SEMA4C: variants seen among roughly 807,000 people sequenced by gnomAD.
SEMA4C encodes the protein semaphorin-4C.
SEMA4C carries 19 observed loss-of-function variants against 89.0 expected under a neutral mutation model. The observed-to-expected ratio is 0.21, with a 90% confidence interval of 0.15 to 0.31. The LOEUF (loss-of-function observed/expected upper bound fraction) is 0.31. Ranked by LOEUF, SEMA4C falls within the 10% of genes least tolerant of loss-of-function variation. The probability of loss-of-function intolerance (pLI) is 1.00; values close to 1 mark genes in which losing one functional copy is unlikely to be tolerated. For synonymous variants in SEMA4C, 428 were observed against 472.7 expected, an observed-to-expected ratio of 0.91 and a Z score of 1.23; for missense variants, 811 against 1,107.0, an observed-to-expected ratio of 0.73 and a Z score of 3.79.
intron 2 of SEMA4C, chr2:96,866,633 G>A (rs2080079006): frequency 1.4e-6 from 1 of 723,190 alleles, no homozygotes; most frequent in East Asian, 2.7e-5. Flanking sequence ...CCTGGGAGGA[G>A]GCAAATCCAG....
Position 96,866,938 on chromosome 2 carries a change from C to G in SEMA4C, c.110-507G>C, listed in dbSNP as rs570070006. ...CCAGAGATGCGAGCACAGCAGGCCACTAGGACAGGTGGGGATGGCAGGAGG... is the reference window on the plus strand; with the variant it reads ...CCAGAGATGCGAGCACAGCAGGCCAGTAGGACAGGTGGGGATGGCAGGAGG... On this transcript the variant is annotated intron_variant, in intron 2 of 14. Coordinates refer to ENST00000305476, the MANE Select transcript of SEMA4C (RefSeq NM_017789.5). The G allele has an allele frequency of 3.1e-4, 93 of 296,764 alleles. 1 individual carries two copies. Among genetic ancestry groups the G allele is most frequent in the African/African-American group, 1.9e-3 (88 of 45,900 alleles). 18.4% of individuals were successfully genotyped at this position (296,764 alleles called of 1,614,324 possible).
In SEMA4C at chr2:96,861,313, G is replaced by A. The variant is rs764049357; in HGVS notation, c.1815C>T (p.Tyr605=). The change falls in exon 15 of 15, where the codon TAC becomes TAT. Residue 605 remains tyrosine (Y), a synonymous_variant. Coordinates refer to ENST00000305476, the MANE Select transcript of SEMA4C (RefSeq NM_017789.5). The surrounding 1 kb of genome is among the most constrained non-coding windows in gnomAD (Gnocchi z 7.8). The part of the protein sequence containing the change: ...LPAEQPGSFL[Y]DARLQALVVM... ...CAACCAGGGCCTGGAGCCGGGCATC[G>A]TAGAGGAAGGACCCGGGCTGTTCCG... The A allele has an allele frequency of 2.5e-5, 40 of 1,607,326 alleles. 1 individual carries two copies. The highest frequency in any genetic ancestry group is 1.8e-4 in the South Asian group (16 of 91,074).
intron 11 of SEMA4C, 53 bp downstream of exon 11, chr2:96,863,873 C>A: frequency 6.3e-7 from 1 of 1,597,208 alleles, no homozygotes; most frequent in South Asian, 1.1e-5. Flanking sequence ...GCCCTGGGCA[C>A]ACGGGCTTCT....
chr2:96,862,362 A>G (rs114089901), intron 12 of SEMA4C: 2,725 of 159,636 alleles, frequency 0.017, 33 homozygotes, highest in Non-Finnish European at 0.027. Context: ...ATTTTGAGTC[A>G]TAATAGCTGG....
chr2:96,868,892 G>A (rs1287179938), intron 1 of SEMA4C: 3 of 985,302 alleles, frequency 3.0e-6, no homozygotes, highest in Non-Finnish European at 3.6e-6. Context: ...GGGCGGGCCA[G>A]CGGGATTGGC....
chr2:96,870,790 G>A (rs1017283430), upstream of SEMA4C: 7 of 980,866 alleles, frequency 7.1e-6, no homozygotes, highest in Non-Finnish European at 8.5e-6. Context: ...GGGGAGCCAC[G>A]CTGCAGAACC....
chr2:96,868,562 C>T (rs1025824364), intron 1 of SEMA4C: 26 of 985,732 alleles, frequency 2.6e-5, no homozygotes, highest in Non-Finnish European at 3.0e-5. Context: ...GCCCAGCTTC[C>T]CGAGGCCCCT....
chr2:96,868,742 G>A, intron 1 of SEMA4C: 1 of 984,784 alleles, frequency 1.0e-6, no homozygotes, highest in Non-Finnish European at 1.2e-6. Context: ...CGCAGGCGAC[G>A]GGGGGAGGTA....
At chr2:96,868,298 G>C in intron 1 of SEMA4C, 1 of 511,962 alleles carries the variant, frequency 2.0e-6, no homozygotes, top group Non-Finnish European at 2.8e-6. Context: ...TCAGGCAGCA[G>C]GCCTTGCAGC....
In SEMA4C at chr2:96,860,612, G is replaced by A. The variant is rs371654812; in HGVS notation, c.*14C>T. 7.6e-6 allele frequency: 12 copies of A among 1,579,088 alleles called. No homozygotes were observed. The East Asian group carries it at 9.0e-5, about 12-fold the overall frequency. Reference sequence around the variant, plus strand: ...CACCTCCCACGCTTCCCGCCGACGCGGTGGGGGTTCCCCTCATACTGATGA... The same window carrying A: ...CACCTCCCACGCTTCCCGCCGACGCAGTGGGGGTTCCCCTCATACTGATGA... On this transcript the variant is annotated 3_prime_UTR_variant, in exon 15 of 15. Coordinates refer to ENST00000305476, the MANE Select transcript of SEMA4C (RefSeq NM_017789.5).
intron 2 of SEMA4C, among the ~76,000 whole-genome samples, chr2:96,867,154 C>T (rs1232248433): frequency 6.6e-6 from 1 of 152,216 alleles, no homozygotes; most frequent in Non-Finnish European, 1.5e-5. Context: ...CCCCCCAAAC[C>T]AGCCTTAGTC....
rs913843569 is a variant in SEMA4C, at chr2:96,867,665, C to T, written c.109+113G>A. Reference sequence around the variant, plus strand: ...CAACCCACACTGCCCGTTCTTCCAACTCGAGTTTCTTAGAAAGCTGTGCCA... The same window carrying T: ...CAACCCACACTGCCCGTTCTTCCAATTCGAGTTTCTTAGAAAGCTGTGCCA... On this transcript the variant is annotated intron_variant, in intron 2 of 14. Transcript: ENST00000305476. The T allele has an allele frequency of 4.7e-5, 53 of 1,135,954 alleles. 1 individual carries two copies. Among genetic ancestry groups the T allele is most frequent in the East Asian group, 4.3e-4 (18 of 41,406 alleles). 70.4% of individuals were successfully genotyped at this position (1,135,954 alleles called of 1,614,324 possible). A position where few individuals can be genotyped will look rare whatever the true frequency, so the allele number is the denominator to read the frequency against.
Position 96,861,778 on chromosome 2 carries a change from G to A in SEMA4C, c.1560C>T (p.Ser520=), listed in dbSNP as rs777991898. The A allele has an allele frequency of 1.2e-5, 19 of 1,613,308 alleles. No individual in the cohort carries two copies. Among genetic ancestry groups the A allele is most frequent in the African/African-American group, 2.7e-5 (2 of 74,938 alleles). The part of the protein sequence containing the change: ...VLARDPYCAW[S]VNTSRCVAVG... ...CGGCCACACAGCGGCTGGTGTTGAC[G>A]CTCCAGGCGCAATAGGGGTCCCGGG... The change falls in exon 13 of 15, where the codon AGC becomes AGT. Residue 520 remains serine, a synonymous_variant. Coordinates refer to ENST00000305476, the MANE Select transcript of SEMA4C (RefSeq NM_017789.5). The surrounding 1 kb of genome is among the most constrained non-coding windows in gnomAD (Gnocchi z 7.8).
intron 1 of SEMA4C, chr2:96,868,484 C>G: frequency 1.0e-6 from 1 of 990,430 alleles, no homozygotes; most frequent in Non-Finnish European, 1.2e-6. Context: ...AGACAATAGC[C>G]CTGCAGAACC....
chr2:96,866,496 T>G (rs1349294050), intron 2 of SEMA4C, 65 bp from the exon 3 acceptor site: 1 of 1,607,182 alleles, frequency 6.2e-7, no homozygotes, highest in East Asian at 2.2e-5. Flanking sequence ...TCAGTCTTGC[T>G]CCACGAGAGC....
intron 1 of SEMA4C, chr2:96,869,072 G>C: frequency 1.0e-6 from 1 of 985,422 alleles, no homozygotes; most frequent in Non-Finnish European, 1.2e-6. Context: ...CGGGGAGCGT[G>C]GCGAGCCCGG....
chr2:96,867,700 G>T (rs2080112383), intron 2 of SEMA4C, 78 bp downstream of exon 2: 1 of 1,396,950 alleles, frequency 7.2e-7, no homozygotes, highest in Non-Finnish European at 1.0e-6. Context: ...ACACACGTGA[G>T]AATAAAGCCA....
Position 96,860,760 on chromosome 2 carries a change from C to T in SEMA4C, c.2368G>A (p.Val790Met), listed in dbSNP as rs1373668047. 15 of 1,613,936 alleles carry T rather than the reference C, an allele frequency of 9.3e-6. No individual in the cohort carries two copies. The highest frequency in any genetic ancestry group is 3.3e-5 in the Admixed American group (2 of 60,028). ...GGRNSNANGY[V>M]RLQLGGEDRG... is the part of the protein sequence containing the mutation. ...TCCTCCCCTCCTAGTTGTAAGCGCA[C>T]GTAACCATTGGCATTTGAGTTCCGC... The change falls in exon 15 of 15, where the codon GTG becomes ATG. Residue 790 changes from valine (V) to methionine (M), a missense_variant. Around this residue, in one of 4 missense-constraint regions of SEMA4C, gnomAD observed 248 missense variants for 269.0 expected, o/e 0.92. Coordinates refer to ENST00000305476, the MANE Select transcript of SEMA4C (RefSeq NM_017789.5).
chr2:96,869,910 C>A lies in SEMA4C; in HGVS notation c.-72G>T. On this transcript the variant is annotated 5_prime_UTR_variant, in exon 1 of 15. In the 5' UTR this introduces an upstream ATG that the reference lacks. Transcript: ENST00000305476. ...GCAGCTCCAGTCCCCGGGCGCCGCC[C>A]TCGCGTTCGGCTCTGACCGCCGTCC... The A allele has an allele frequency of 1.0e-6, 1 of 986,216 alleles. No individual in the cohort carries two copies. Among genetic ancestry groups the A allele is most frequent in the South Asian group, 4.5e-5 (1 of 21,990 alleles). The allele number at this position is 986,216 out of a possible 1,614,324, so 61.1% of individuals were successfully genotyped here.
Sources: gnomAD v4.1 joint callset for allele counts (sites outside exome capture counted in the v4.1 genomes callset) on GRCh38, gnomAD v4.1.1 for gene constraint, gnomAD v4.1.1 regional missense constraint, Gnocchi (gnomAD v3.1) non-coding constraint, MANE v1.5 for transcripts, NCBI Gene and HGNC (gene_info 2026-07-23, HGNC 2026-07-21) for gene names.